MORN5: variants seen among roughly 807,000 people sequenced by gnomAD.
MORN5 encodes MORN repeat-containing protein 5.
Under a neutral mutation model 22.1 loss-of-function variants are expected in MORN5, and 21 were observed. The observed-to-expected ratio is 0.95, with a 90% CI of 0.67 to 1.37. The LOEUF is 1.37. Among genes scored for constraint, MORN5 ranks in the 40% most tolerant of loss-of-function variants. The pLI is 0.00. For synonymous variants in MORN5, 73 were observed against 74.0 expected (o/e 0.99, Z 0.07); for missense variants, 211 against 215.1 (o/e 0.98, Z 0.12).
At chr9:122,178,305 A>T (rs932326261) in intron 4 of MORN5, among the ~76,000 whole-genome samples, 1 of 152,196 alleles carries the variant, frequency 6.6e-6, no homozygotes, top group African/African-American at 2.4e-5. Context: ...CCTGGCCAAC[A>T]TGGTGAAACC....
chr9:122,189,430 CA>C (rs569731174), intron 4 of MORN5, among the ~76,000 whole-genome samples: 2 of 151,398 alleles, frequency 1.3e-5, no homozygotes, highest in African/African-American at 2.4e-5. Context: ...CCCATATCTA[CA>C]AAAAAAAGAT....
chr9:122,167,089 C>A (rs1588301512), intron 2 of MORN5, among the ~76,000 whole-genome samples, 174 bp downstream of exon 2: 1 of 149,618 alleles, frequency 6.7e-6, no homozygotes, highest in Admixed American at 6.6e-5. Context: ...CACTCTGTCA[C>A]CAGGCTGGAG....
At chr9:122,180,647 CA>C (rs1220430832) in intron 4 of MORN5, among the ~76,000 whole-genome samples, 1 of 152,204 alleles carries the variant, frequency 6.6e-6, no homozygotes, top group Non-Finnish European at 1.5e-5. Context: ...ATTGATTTCA[CA>C]ACCTTTTCAA....
chr9:122,173,312 G>T (rs1172800666), intron 3 of MORN5, among the ~76,000 whole-genome samples: 1 of 152,222 alleles, frequency 6.6e-6, no homozygotes, highest in Admixed American at 6.5e-5. Context: ...AGGGTTAAAA[G>T]TGCCCCGCGA....
At chr9:122,189,282 A>G (rs1167702689) in intron 4 of MORN5, among the ~76,000 whole-genome samples, 4 of 152,042 alleles carry the variant, frequency 2.6e-5, no homozygotes, top group South Asian at 4.1e-4. Context: ...CAGCAAGACA[A>G]ACTCTCTAAC....
chr9:122,160,534 T>C (rs1213992566), intron 1 of MORN5, among the ~76,000 whole-genome samples: 1 of 151,404 alleles, frequency 6.6e-6, no homozygotes, highest in Non-Finnish European at 1.5e-5. Context: ...AGTTTTTTTT[T>C]CTTTTCTTTT....
chr9:122,169,627 G>A lies in MORN5; in HGVS notation c.196-18G>A. ...CTTCAGCTTCCTCAGATGCACGTGT[G>A]TGCTCCTTGTCTTCCAGGGCACATA... On this transcript the variant is annotated intron_variant, in intron 2 of 4. Transcript: ENST00000373764. 1 of 1,585,080 alleles carries A rather than the reference G, an allele frequency of 6.3e-7. No homozygotes were observed. Among genetic ancestry groups the A allele is most frequent in the Non-Finnish European group, 8.7e-7 (1 of 1,153,548 alleles).
At chr9:122,186,531 C>T (rs1829641817) in intron 4 of MORN5, among the ~76,000 whole-genome samples, 1 of 152,138 alleles carries the variant, frequency 6.6e-6, no homozygotes, top group Non-Finnish European at 1.5e-5. Context: ...AGGACCTTTG[C>T]TCTAGGAATA....
intron 4 of MORN5, among the ~76,000 whole-genome samples, chr9:122,195,740 C>A (rs1347898241): frequency 6.6e-6 from 1 of 152,166 alleles, no homozygotes; most frequent in Non-Finnish European, 1.5e-5. Flanking sequence ...TGCTCCCTTT[C>A]CATACTGTAC....
intron 2 of MORN5, among the ~76,000 whole-genome samples, chr9:122,167,143 G>A (rs1164410845): frequency 6.6e-6 from 1 of 151,088 alleles, no homozygotes; most frequent in Non-Finnish European, 1.5e-5. Context: ...CGCCTCCTGG[G>A]TTCAAGCGAG....
intron 3 of MORN5, among the ~76,000 whole-genome samples, chr9:122,170,281 G>A (rs981059910): frequency 2.0e-5 from 3 of 146,998 alleles, no homozygotes; most frequent in Admixed American, 1.4e-4. Flanking sequence ...GGGCGACAGA[G>A]CGACACTCTG....
At chr9:122,198,598 G>A (rs1335154432) in intron 4 of MORN5, among the ~76,000 whole-genome samples, 1 of 152,060 alleles carries the variant, frequency 6.6e-6, no homozygotes, top group Non-Finnish European at 1.5e-5. Context: ...CTGGAAGGAC[G>A]GTGCAGGAAG....
At chr9:122,183,777 G>A (rs981593596) in intron 4 of MORN5, among the ~76,000 whole-genome samples, 4 of 152,138 alleles carry the variant, frequency 2.6e-5, no homozygotes, top group South Asian at 2.1e-4. Context: ...TAACGCCACC[G>A]CTTAATCGTG....
rs183170963 is a variant in MORN5 at position 122,189,892 on chromosome 9, C to G, written c.440-9993C>G. Among the ~76,000 whole-genome samples, 425 of 152,272 alleles carry G rather than the reference C, an allele frequency of 2.8e-3. 2 individuals are homozygous for G. Among genetic ancestry groups the G allele is most frequent in the African/African-American group, 9.8e-3 (409 of 41,552 alleles). On this transcript the variant is annotated intron_variant, in intron 4 of 4. Transcript: ENST00000373764. Reference sequence around the variant, plus strand: ...AAGTGCTAGGATTACAGGCGTGAGCCACCGCACCCGGCCTATAAAAAGTTT... The same window carrying G: ...AAGTGCTAGGATTACAGGCGTGAGCGACCGCACCCGGCCTATAAAAAGTTT...
chr9:122,196,841 T>C (rs1829904182), intron 4 of MORN5, among the ~76,000 whole-genome samples: 1 of 152,238 alleles, frequency 6.6e-6, no homozygotes, highest in Admixed American at 6.5e-5. Context: ...CTTGCCTTTT[T>C]TCTTTTGCTT....
At chr9:122,199,815 G>A in intron 4 of MORN5, 70 bp from the exon 5 acceptor site, 1 of 1,543,338 alleles carries the variant, frequency 6.5e-7, no homozygotes, top group Non-Finnish European at 9.0e-7. Flanking sequence ...GCCCCACCTG[G>A]GGAACCCCCC....
intron 1 of MORN5, among the ~76,000 whole-genome samples, chr9:122,162,370 T>C (rs1829213791): frequency 6.6e-6 from 1 of 152,194 alleles, no homozygotes; most frequent in Admixed American, 6.5e-5. Flanking sequence ...GTTTAAAAAG[T>C]TTATGTAGAC....
chr9:122,174,886 T>A, intron 4 of MORN5: 5 of 1,285,262 alleles, frequency 3.9e-6, no homozygotes, highest in Non-Finnish European at 4.0e-6. Context: ...ATTAAGGTAC[T>A]TATTTTTGTA....
At chr9:122,188,520 G>A (rs927466186) in intron 4 of MORN5, among the ~76,000 whole-genome samples, 9 of 152,176 alleles carry the variant, frequency 5.9e-5, no homozygotes, top group Admixed American at 1.3e-4. Context: ...CCCGCCTGCC[G>A]GGGCCCCTTC....
Sources: gnomAD v4.1 joint callset for allele counts (sites outside exome capture counted in the v4.1 genomes callset) on GRCh38, gnomAD v4.1.1 for gene constraint, MANE v1.5 for transcripts, NCBI Gene and HGNC (gene_info 2026-07-23, HGNC 2026-07-21) for gene names.